The following ANXA4 variants were observed in gnomAD, a reference collection of about 807,000 sequenced individuals.
ANXA4 encodes the protein annexin A4, also known as 35-beta calcimedin.
ANXA4 carries 39 observed loss-of-function variants against 49.8 expected under a neutral mutation model. The ratio of observed to expected loss-of-function variants is 0.78; its 90% confidence interval spans 0.61 to 1.02. The LOEUF (loss-of-function observed/expected upper bound fraction) is 1.02, where lower values mean the gene tolerates loss of function less well. Ranked by LOEUF, ANXA4 falls within the 50% of genes least tolerant of loss-of-function variation. The pLI, the probability that ANXA4 is intolerant of heterozygous loss-of-function variation, is 0.00. For missense variants in ANXA4, 360 were observed against 410.1 expected, an observed-to-expected ratio of 0.88 and a Z score of 1.05; for synonymous variants, 134 against 152.5, an observed-to-expected ratio of 0.88 and a Z score of 0.89.
chr2:69,686,798 GA>G (rs1269542575), intron 2 of ANXA4, among the ~76,000 whole-genome samples: 1 of 152,168 alleles, frequency 6.6e-6, no homozygotes, highest in African/African-American at 2.4e-5. Context: ...AACTAGCTCA[GA>G]AAATTCTTGA....
At chr2:69,673,156 C>T (rs1433539716) in intron 2 of ANXA4, among the ~76,000 whole-genome samples, 1 of 152,044 alleles carries the variant, frequency 6.6e-6, no homozygotes, top group African/African-American at 2.4e-5. Flanking sequence ...CCAGCAATCC[C>T]ATATACCCGA....
At chr2:69,702,391 G>A (rs1021296666) in intron 2 of ANXA4, among the ~76,000 whole-genome samples, 2 of 152,084 alleles carry the variant, frequency 1.3e-5, no homozygotes, top group African/African-American at 4.8e-5. Context: ...AGAGTACTCT[G>A]TGTACCCATT....
intron 1 of ANXA4, 75 bp from the exon 2 acceptor site, chr2:69,781,445 C>A: frequency 7.9e-7 from 1 of 1,272,120 alleles, no homozygotes; most frequent in Non-Finnish European, 1.1e-6. Flanking sequence ...TTCATGCAAA[C>A]TGCAAGTTAT....
At chr2:69,702,812 A>C (rs189937552) in intron 2 of ANXA4, among the ~76,000 whole-genome samples, 46 of 152,220 alleles carry the variant, frequency 3.0e-4, no homozygotes, top group Non-Finnish European at 5.3e-4. Context: ...TTAAAACGTA[A>C]CTATAAAACT....
At chr2:69,688,345 A>G (rs1159489784) in intron 2 of ANXA4, among the ~76,000 whole-genome samples, 1 of 152,094 alleles carries the variant, frequency 6.6e-6, no homozygotes, top group East Asian at 1.9e-4. Flanking sequence ...GAATAGTGGA[A>G]TTTTGATTTT....
intron 2 of ANXA4, among the ~76,000 whole-genome samples, chr2:69,687,885 G>A (rs964746844): frequency 1.3e-5 from 2 of 152,152 alleles, no homozygotes; most frequent in Non-Finnish European, 2.9e-5. Flanking sequence ...ACAAATGCCT[G>A]AACATATCAT....
chr2:69,748,252 G>A (rs1335355254), intron 1 of ANXA4, among the ~76,000 whole-genome samples: 1 of 151,892 alleles, frequency 6.6e-6, no homozygotes, highest in Admixed American at 6.6e-5. Context: ...GGTGGCGGGT[G>A]CCCGTAGGCC....
chr2:69,813,753 TCTC>T (rs1673811332), intron 8 of ANXA4, among the ~76,000 whole-genome samples: 2 of 127,418 alleles, frequency 1.6e-5, no homozygotes, highest in African/African-American at 5.6e-5. Flanking sequence ...TCTCTCTCTC[TCTC>T]TCTTTTTTTT....
intron 1 of ANXA4, among the ~76,000 whole-genome samples, chr2:69,775,799 A>G (rs1249795749): frequency 2.6e-5 from 4 of 152,196 alleles, no homozygotes; most frequent in Non-Finnish European, 1.5e-5. Context: ...AAGTCTAGCT[A>G]TGCATGCAGG....
upstream of ANXA4, chr2:69,643,831 C>T (rs534382381): frequency 1.1e-3 from 1,281 of 1,182,120 alleles, 7 homozygotes; most frequent in African/African-American, 0.018. Context: ...CTCGGGGCGG[C>T]GCGGCGAGGG....
At chr2:69,750,699 C>T (rs926482125) in intron 1 of ANXA4, among the ~76,000 whole-genome samples, 15 of 152,218 alleles carry the variant, frequency 9.9e-5, no homozygotes, top group African/African-American at 3.6e-4. Context: ...CAAGCATGAG[C>T]CATGGTGCCT....
At chr2:69,684,351 G>T (rs1231536919) in intron 2 of ANXA4, among the ~76,000 whole-genome samples, 1 of 152,152 alleles carries the variant, frequency 6.6e-6, no homozygotes, top group Non-Finnish European at 1.5e-5. Flanking sequence ...AAAGGCTAAA[G>T]CTCCAAATAA....
chr2:69,700,958 C>T (rs759570283), intron 2 of ANXA4, among the ~76,000 whole-genome samples: 6 of 152,048 alleles, frequency 3.9e-5, no homozygotes, highest in Admixed American at 2.0e-4. Flanking sequence ...CTACAACCTC[C>T]GCCTCCCAGG....
chr2:69,734,853 C>G (rs773928650), intron 3 of ANXA4, among the ~76,000 whole-genome samples: 37 of 152,294 alleles, frequency 2.4e-4, no homozygotes, highest in Non-Finnish European at 4.7e-4. Context: ...CAGTTTTATT[C>G]CAGCAAACTT....
rs72114703 is a variant in ANXA4, at chr2:69,673,687, GACACACAC to G, written n.766+20439_766+20446del. 6.5e-4 allele frequency among the ~76,000 whole-genome samples: 91 copies of G among 139,214 alleles called. 1 individual carries two copies. Among genetic ancestry groups the G allele is most frequent in the African/African-American group, 1.4e-3 (52 of 37,382 alleles). The allele number at this position is 139,214 out of a possible 152,430, so 91.3% of individuals were successfully genotyped here. A position where few individuals can be genotyped will look rare whatever the true frequency, so the allele number is the denominator to read the frequency against. Reference sequence around the variant, plus strand: ...AAAGAAAAGAAACATTTTTTTCAAAGACACACACACACACACACACACACACACACACA... The same window carrying G: ...AAAGAAAAGAAACATTTTTTTCAAAGACACACACACACACACACACACACA... On this transcript the variant is annotated intron_variant and non_coding_transcript_variant, in intron 2 of 3. Transcript: ENST00000418066.
intron 3 of ANXA4, among the ~76,000 whole-genome samples, chr2:69,790,457 T>G (rs1281078999): frequency 6.6e-6 from 1 of 152,156 alleles, no homozygotes; most frequent in Non-Finnish European, 1.5e-5. Flanking sequence ...AGAGATAAAC[T>G]TCACAAGGAG....
At chr2:69,801,138 T>C (rs973976148) in intron 3 of ANXA4, among the ~76,000 whole-genome samples, 3 of 152,184 alleles carry the variant, frequency 2.0e-5, no homozygotes, top group African/African-American at 7.2e-5. Flanking sequence ...CTGTACTGTA[T>C]TGGTCATTTC....
chr2:69,686,137 A>AT (rs1677778135), intron 2 of ANXA4, among the ~76,000 whole-genome samples: 2 of 152,016 alleles, frequency 1.3e-5, no homozygotes, highest in South Asian at 4.1e-4. Flanking sequence ...TTTAACTTTA[A>AT]TTTTTAAAAT....
At chr2:69,644,832 C>T (rs962737161) in exon 1 of ANXA4, 2 of 152,262 alleles carry the variant, frequency 1.3e-5, no homozygotes, top group Admixed American at 1.3e-4. Context: ...TTACGTTTCC[C>T]TGATACCGTC....
Sources: allele counts gnomAD v4.1 joint callset (sites outside exome capture counted in the v4.1 genomes callset), GRCh38; gene constraint gnomAD v4.1.1; transcripts MANE v1.5; gene names NCBI Gene and HGNC (gene_info 2026-07-23, HGNC 2026-07-21).